The following ANKRD66 variants were observed in gnomAD, a reference collection of about 807,000 sequenced individuals.
ANKRD66 encodes the protein ankyrin repeat domain-containing protein 66.
A neutral mutation model predicts 10.9 loss-of-function variants in ANKRD66; 10 were observed. The observed-to-expected ratio is 0.91, with a 90% CI of 0.56 to 1.55. The LOEUF is 1.55. Ranked by LOEUF, ANKRD66 falls within the 40% of genes most tolerant of loss-of-function variation. The pLI, the probability that ANKRD66 is intolerant of heterozygous loss-of-function variation, is 0.00. For synonymous variants in ANKRD66, 85 were observed against 88.4 expected, an observed-to-expected ratio of 0.96 and a Z score of 0.22; for missense variants, 252 against 242.9, an observed-to-expected ratio of 1.04 and a Z score of -0.25.
At chr6:46,757,377 T>C (rs1331254530) in intron 4 of ANKRD66, 1 of 152,128 alleles carries the variant, frequency 6.6e-6, no homozygotes, top group Non-Finnish European at 1.5e-5. Context: ...AGGCAGAGCA[T>C]TCACACTAGA....
chr6:46,748,820 T>G (rs973539109), intron 1 of ANKRD66, among the ~76,000 whole-genome samples: 5 of 152,216 alleles, frequency 3.3e-5, no homozygotes. Flanking sequence ...AGCCAGTCTA[T>G]ACCTTACTTT....
rs962163833 is a variant in ANKRD66 at position 46,759,486 on chromosome 6, A to T, written c.*565A>T. 1.3e-5 allele frequency: 2 copies of T among 152,242 alleles called. No homozygotes were observed. The highest frequency in any genetic ancestry group is 4.8e-5 in the African/African-American group (2 of 41,458). 9.4% of individuals were successfully genotyped at this position (152,242 alleles called of 1,614,324 possible). A position where few individuals can be genotyped will look rare whatever the true frequency, so the allele number is the denominator to read the frequency against. Reference sequence around the variant, plus strand: ...TAATATTTTGGATATTGCGTTGAATAAGATATATTACCAAAATGAATTTTA... The same window carrying T: ...TAATATTTTGGATATTGCGTTGAATTAGATATATTACCAAAATGAATTTTA... On this transcript the variant is annotated 3_prime_UTR_variant, in exon 5 of 5. Coordinates refer to ENST00000565422, the MANE Select transcript of ANKRD66 (RefSeq NM_001162435.3).
intron 1 of ANKRD66, among the ~76,000 whole-genome samples, chr6:46,749,184 C>T (rs927637464): frequency 2.0e-5 from 3 of 152,198 alleles, no homozygotes; most frequent in Non-Finnish European, 4.4e-5. Context: ...TGGTCACCAC[C>T]TACACAATGG....
Position 46,759,251 on chromosome 6 carries a change from G to A in ANKRD66, c.*330G>A, listed in dbSNP as rs945686646. The A allele has an allele frequency of 2.7e-4, 52 of 192,222 alleles. No individual in the cohort carries two copies. The highest frequency in any genetic ancestry group is 9.5e-4 in the African/African-American group (41 of 43,174). The allele number at this position is 192,222 out of a possible 1,614,324, so 11.9% of individuals were successfully genotyped here. On this transcript the variant is annotated 3_prime_UTR_variant, in exon 5 of 5. Transcript: ENST00000565422. ...ATGAATTAACTTCATCCCTGATAAC[G>A]ATCGAGAGATAATGTAAAATAATGA... is the stretch of plus-strand genomic sequence containing the variant.
intron 2 of ANKRD66, among the ~76,000 whole-genome samples, chr6:46,750,511 T>A (rs1766246910): frequency 6.6e-6 from 1 of 151,714 alleles, no homozygotes; most frequent in South Asian, 2.1e-4. Context: ...CTGCATTCAG[T>A]TTGTTGTTTT....
intron 1 of ANKRD66, 127 bp downstream of exon 1, chr6:46,747,117 C>T: frequency 1.2e-6 from 1 of 829,350 alleles, no homozygotes; most frequent in Non-Finnish European, 1.8e-6. Flanking sequence ...TGTGCCTCTA[C>T]CAGAAAGATA....
chr6:46,750,580 A>AAT (rs540411442), intron 2 of ANKRD66, among the ~76,000 whole-genome samples: 1 of 150,402 alleles, frequency 6.6e-6, no homozygotes, highest in African/African-American at 2.4e-5. Context: ...AAGTATATGT[A>AAT]ATATATATAC....
At chr6:46,748,484 C>T (rs1403529817) in intron 1 of ANKRD66, among the ~76,000 whole-genome samples, 1 of 152,154 alleles carries the variant, frequency 6.6e-6, no homozygotes, top group African/African-American at 2.4e-5. Context: ...TAGTGGCACC[C>T]TCAGATTAGA....
intron 3 of ANKRD66, among the ~76,000 whole-genome samples, 155 bp downstream of exon 3, chr6:46,752,266 G>A (rs993089564): frequency 2.6e-5 from 4 of 151,970 alleles, no homozygotes; most frequent in Non-Finnish European, 4.4e-5. Flanking sequence ...ACAGAGTCTC[G>A]CTCTGTCATC....
chr6:46,753,601 C>G, intron 3 of ANKRD66, 121 bp from the exon 4 acceptor site: 1 of 891,922 alleles, frequency 1.1e-6, no homozygotes, highest in Non-Finnish European at 1.7e-6. Context: ...TGATAGGAAA[C>G]TGGAGGCTCC....
intron 2 of ANKRD66, 35 bp downstream of exon 2, chr6:46,750,014 C>A: frequency 8.6e-7 from 1 of 1,161,358 alleles, no homozygotes; most frequent in Non-Finnish European, 1.3e-6. Context: ...ATTTGCATTT[C>A]TAACAAGTTC....
Position 46,758,952 on chromosome 6 carries a change from C to A in ANKRD66, c.*31C>A, listed in dbSNP as rs1260214988. On this transcript the variant is annotated 3_prime_UTR_variant, in exon 5 of 5. Coordinates refer to ENST00000565422, the MANE Select transcript of ANKRD66 (RefSeq NM_001162435.3). ...CAACCTTATGTTTTCTGGCAAGGAA[C>A]TTTCCCTGGTGCCAGAAATGAGGCT... The A allele has an allele frequency of 4.6e-6, 7 of 1,512,056 alleles. No individual in the cohort carries two copies. Among genetic ancestry groups the A allele is most frequent in the Non-Finnish European group, 5.3e-6 (6 of 1,126,226 alleles). 93.7% of individuals were successfully genotyped at this position (1,512,056 alleles called of 1,614,324 possible).
rs1347369045 is a variant in ANKRD66 at position 46,758,799 on chromosome 6, T to G, written c.469T>G (p.Trp157Gly). ...GCCTCTGGATGAGCGTGATGAAGAC[T>G]GGGATGCCAAGAAAAGGGAGCTGGA... Reference protein sequence around the residue: ...GLPLDERDEDWDAKKRELELS... With the variant: ...GLPLDERDEDGDAKKRELELS... Residue 157 changes from tryptophan (W) to glycine (G), a missense_variant, in exon 5 of 5, where the codon TGG (tryptophan) becomes GGG (glycine). By Grantham distance (184) the Trp-to-Gly change is radical. Transcript: ENST00000565422. 4 of 1,551,356 alleles carry G rather than the reference T, an allele frequency of 2.6e-6. No homozygotes were observed. The highest frequency in any genetic ancestry group is 3.5e-6 in the Non-Finnish European group (4 of 1,146,892).
rs1766431684 is a variant in ANKRD66 at position 46,758,916 on chromosome 6, G to A, written c.586G>A (p.Val196Ile). 6.5e-7 allele frequency: 1 copy of A among 1,547,174 alleles called. No homozygotes were observed. Among genetic ancestry groups the A allele is most frequent in the Middle Eastern group, 1.7e-4 (1 of 5,946 alleles). ...GCCCAGCAATACCAAGGGGAGGAGAGTATGAGAACTCAACCTTATGTTTTC... is the reference window on the plus strand; with the variant it reads ...GCCCAGCAATACCAAGGGGAGGAGAATATGAGAACTCAACCTTATGTTTTC... Reference protein sequence around the residue: ...TRPSNTKGRRV With the variant: ...TRPSNTKGRRI The change falls in exon 5 of 5, where the codon GTA (valine) becomes ATA (isoleucine). Residue 196 changes from valine to isoleucine, a missense_variant. Coordinates refer to ENST00000565422, the MANE Select transcript of ANKRD66 (RefSeq NM_001162435.3).
rs539414986 is a variant in ANKRD66, at chr6:46,756,480, T to C, written c.393-2243T>C. On this transcript the variant is annotated intron_variant, in intron 4 of 4. Coordinates refer to ENST00000565422, the MANE Select transcript of ANKRD66 (RefSeq NM_001162435.3). ...TATTTCATTTGCTTGAATATTATGA[T>C]AGGAACGCTTACTGATATTACTTGA... 3.7e-5 allele frequency: 6 copies of C among 160,854 alleles called. No homozygotes were observed. In the South Asian group the frequency reaches 1.1e-3, roughly 28 times the overall value. The allele number at this position is 160,854 out of a possible 1,614,324, so 10.0% of individuals were successfully genotyped here.
chr6:46,751,592 G>GCTTACTTACTAA lies in ANKRD66; in HGVS notation c.-12-334_-12-323dup, dbSNP rs1357874396. ...AGGCACAGAATTACATGCAATTCTA[G>GCTTACTTACTAA]CTTACTTACTAACTTACTTACTTAC... On this transcript the variant is annotated intron_variant, in intron 2 of 4. Transcript: ENST00000565422. 5.3e-5 allele frequency among the ~76,000 whole-genome samples: 8 copies of GCTTACTTACTAA among 152,264 alleles called. No individual in the cohort carries two copies. In the East Asian group the frequency reaches 1.5e-3, roughly 29 times the overall value.
intron 4 of ANKRD66, 152 bp from the exon 5 acceptor site, chr6:46,758,571 C>A: frequency 3.1e-6 from 2 of 651,036 alleles, no homozygotes; most frequent in East Asian, 2.8e-5. Flanking sequence ...GTGTCTGAGA[C>A]CTTCCCTAAG....
intron 4 of ANKRD66, chr6:46,757,822 C>G (rs571797231): frequency 6.6e-6 from 1 of 152,258 alleles, no homozygotes; most frequent in African/African-American, 2.4e-5. Context: ...TAAAAACAAC[C>G]TAAAATAAAC....
In ANKRD66 at chr6:46,746,997, G is replaced by A. The variant is rs1338485109; in HGVS notation, c.-97+7G>A. 5 of 1,535,162 alleles carry A rather than the reference G, an allele frequency of 3.3e-6. No individual in the cohort carries two copies. The highest frequency in any genetic ancestry group is 1.4e-5 in the African/African-American group (1 of 73,094). ...TCAAATTTCACACAAGACAGTAAGT[G>A]TTTTTAAGTTACCCTCTCTTATTTA... On this transcript the variant is annotated splice_region_variant and intron_variant, in intron 1 of 4. Transcript: ENST00000565422.
Sources: allele counts gnomAD v4.1 joint callset (sites outside exome capture counted in the v4.1 genomes callset), GRCh38; gene constraint gnomAD v4.1.1; transcripts MANE v1.5; gene names NCBI Gene and HGNC (gene_info 2026-07-23, HGNC 2026-07-21).